The following UST variants were observed in gnomAD, a reference collection of about 807,000 sequenced individuals.
UST encodes uronyl 2-sulfotransferase, also known as chondroitin sulfate 2-O-sulfotransferase.
Under a neutral mutation model 45.6 loss-of-function variants are expected in UST, and 21 were observed. The observed-to-expected ratio is 0.46, with a 90% CI of 0.33 to 0.66. UST has a LOEUF of 0.66. Among genes scored for constraint, UST ranks in the 30% least tolerant of loss-of-function variants. The pLI is 0.02. For synonymous variants in UST, 215 were observed against 200.6 expected (o/e 1.07, Z -0.61); for missense variants, 463 against 512.4 (o/e 0.90, Z 0.93).
chr6:148,907,617 G>A (rs907929713), intron 2 of UST, among the ~76,000 whole-genome samples: 1 of 152,180 alleles, frequency 6.6e-6, no homozygotes, highest in Non-Finnish European at 1.5e-5. Context: ...AGAAAGAAAA[G>A]GGTGGCCATT....
chr6:148,970,098 G>T (rs1204279790), intron 5 of UST, among the ~76,000 whole-genome samples: 1 of 152,194 alleles, frequency 6.6e-6, no homozygotes, highest in Admixed American at 6.5e-5. Flanking sequence ...ATTTGTCCTG[G>T]GTGTATCTAA....
At chr6:148,921,495 T>G (rs918707492) in intron 2 of UST, among the ~76,000 whole-genome samples, 2 of 152,160 alleles carry the variant, frequency 1.3e-5, no homozygotes, top group Non-Finnish European at 2.9e-5. Flanking sequence ...TATGGGGAGA[T>G]TAGGCTGGAG....
At chr6:148,799,377 G>A (rs1777012076) in intron 1 of UST, among the ~76,000 whole-genome samples, 1 of 152,158 alleles carries the variant, frequency 6.6e-6, no homozygotes, top group African/African-American at 2.4e-5. Context: ...AGGCAACTGT[G>A]TGCTTTCCTT....
At chr6:148,953,791 AGAG>A in intron 3 of UST, 78 bp from the exon 4 acceptor site, 1 of 717,280 alleles carries the variant, frequency 1.4e-6, no homozygotes, top group Non-Finnish European at 2.1e-6. Context: ...AAAAAAAAAA[AGAG>A]TGGGATACAT....
At chr6:148,969,377 C>G (rs1483527530) in intron 5 of UST, among the ~76,000 whole-genome samples, 1 of 152,206 alleles carries the variant, frequency 6.6e-6, no homozygotes, top group African/African-American at 2.4e-5. Flanking sequence ...TCAAATTTAG[C>G]TTCCAATTGT....
chr6:148,818,062 T>C (rs1777388405), intron 1 of UST, among the ~76,000 whole-genome samples: 2 of 152,188 alleles, frequency 1.3e-5, no homozygotes, highest in African/African-American at 4.8e-5. Flanking sequence ...ACCTGATGTG[T>C]TACATTTACT....
intron 4 of UST, among the ~76,000 whole-genome samples, chr6:148,962,046 G>A (rs1232906883): frequency 5.9e-5 from 9 of 152,174 alleles, no homozygotes; most frequent in Non-Finnish European, 7.3e-5. Flanking sequence ...GTTGGCAGCC[G>A]GCAACCATTA....
chr6:148,834,635 C>T (rs796924992), intron 1 of UST, among the ~76,000 whole-genome samples: 14 of 151,964 alleles, frequency 9.2e-5, no homozygotes, highest in African/African-American at 3.1e-4. Context: ...CTCAGGAGGC[C>T]GAGGTGGGAG....
At chr6:149,049,403 GAA>G (rs1010624404) in intron 7 of UST, among the ~76,000 whole-genome samples, 1 of 152,166 alleles carries the variant, frequency 6.6e-6, no homozygotes, top group Non-Finnish European at 1.5e-5. Flanking sequence ...AGTTTTACTA[GAA>G]AAACTACGTG....
intron 4 of UST, 55 bp from the exon 5 acceptor site, chr6:148,964,354 AG>A: frequency 3.1e-6 from 5 of 1,596,104 alleles, no homozygotes; most frequent in Non-Finnish European, 3.4e-6. Flanking sequence ...TTGTCTAAGT[AG>A]GCCCTGTTTT....
At position 148,978,724 on chromosome 6, in the gene UST, C is replaced by T. The variant is rs866809210; in HGVS notation, c.681+14161C>T. ...CATTAGGACAAATACCTAATACATG[C>T]GGGGCTTAAAACCTAGATGACAGGT... On this transcript the variant is annotated intron_variant, in intron 5 of 7. Coordinates refer to ENST00000367463, the MANE Select transcript of UST (RefSeq NM_005715.3). 4.6e-5 allele frequency among the ~76,000 whole-genome samples: 7 copies of T among 152,088 alleles called. No individual in the cohort carries two copies. The East Asian group carries it at 5.8e-4, about 13-fold the overall frequency.
intron 1 of UST, among the ~76,000 whole-genome samples, chr6:148,839,519 C>T (rs1300648160): frequency 2.0e-5 from 3 of 152,134 alleles, no homozygotes; most frequent in African/African-American, 7.2e-5. Context: ...GTAATTTCAT[C>T]TTTTGACATG....
chr6:149,021,320 A>G lies in UST; in HGVS notation c.780-4A>G. 1.2e-6 allele frequency: 2 copies of G among 1,606,228 alleles called. No individual in the cohort carries two copies. The highest frequency in any genetic ancestry group is 1.7e-6 in the Non-Finnish European group (2 of 1,175,932). On this transcript the variant is annotated splice_region_variant and splice_polypyrimidine_tract_variant and intron_variant, in intron 6 of 7. Coordinates refer to ENST00000367463, the MANE Select transcript of UST (RefSeq NM_005715.3). ...ATTTTAAATAAATTTTTATATCCAT[A>G]AAGGGAGCCTGGTGAATGGGCCCTT...
intron 1 of UST, among the ~76,000 whole-genome samples, chr6:148,877,377 GGGTCGTGT>G (rs1778689280): frequency 6.6e-5 from 5 of 75,218 alleles, no homozygotes; most frequent in African/African-American, 3.6e-4. Flanking sequence ...ATGAGTGGGG[GGGTCGTGT>G]ATGAGTGCGG....
At chr6:149,044,688 C>G (rs1372908940) in intron 7 of UST, among the ~76,000 whole-genome samples, 1 of 152,150 alleles carries the variant, frequency 6.6e-6, no homozygotes, top group Non-Finnish European at 1.5e-5. Flanking sequence ...GTGGCTCCAG[C>G]TTAATACCAC....
intron 7 of UST, among the ~76,000 whole-genome samples, chr6:149,038,369 T>C (rs1374114864): frequency 6.7e-6 from 1 of 148,548 alleles, no homozygotes; most frequent in South Asian, 2.2e-4. Flanking sequence ...TCCAATGACT[T>C]GTGCCCTTAA....
At chr6:148,903,126 TTC>T (rs1352111571) in intron 2 of UST, among the ~76,000 whole-genome samples, 1 of 152,226 alleles carries the variant, frequency 6.6e-6, no homozygotes, top group African/African-American at 2.4e-5. Context: ...TTCATTTATT[TTC>T]TTTTTCCTTT....
chr6:148,769,272 T>C (rs995680292), intron 1 of UST, among the ~76,000 whole-genome samples: 3 of 152,268 alleles, frequency 2.0e-5, no homozygotes, highest in Non-Finnish European at 4.4e-5. Context: ...TTCCTGTGAA[T>C]TGTGGTCCTT....
chr6:148,923,074 A>G (rs1162255132), intron 2 of UST, among the ~76,000 whole-genome samples: 1 of 152,202 alleles, frequency 6.6e-6, no homozygotes, highest in Non-Finnish European at 1.5e-5. Context: ...CTGAGATTAC[A>G]GGCATAAGCC....
Sources: gnomAD v4.1 joint callset for allele counts (sites outside exome capture counted in the v4.1 genomes callset) on GRCh38, gnomAD v4.1.1 for gene constraint, MANE v1.5 for transcripts, NCBI Gene and HGNC (gene_info 2026-07-23, HGNC 2026-07-21) for gene names.